CACNA1A: variants seen among roughly 807,000 people sequenced by gnomAD.
CACNA1A encodes the protein voltage-dependent P/Q-type calcium channel subunit alpha-1A.
CACNA1A carries 57 observed loss-of-function variants against 262.4 expected under a neutral mutation model. The ratio of observed to expected loss-of-function variants is 0.22; its 90% CI spans 0.18 to 0.27. The LOEUF is 0.27. Ranked by LOEUF, CACNA1A falls within the 10% of genes least tolerant of loss-of-function variation. The probability of loss-of-function intolerance (pLI) is 1.00; values close to 1 mark genes in which losing one functional copy is unlikely to be tolerated. For synonymous variants in CACNA1A, 1,431 were observed against 1,419.3 expected (o/e 1.01, Z -0.18); for missense variants, 2,526 against 3,562.8 (o/e 0.71, Z 7.41).
chr19:13,490,506 G>A (rs1247289093), intron 1 of CACNA1A, among the ~76,000 whole-genome samples: 1 of 152,100 alleles, frequency 6.6e-6, no homozygotes, highest in Non-Finnish European at 1.5e-5. Flanking sequence ...GGGAGGCCAA[G>A]GCAGGAAAAT....
intron 5 of CACNA1A, chr19:13,365,068 C>T (rs2059183093): frequency 1.5e-5 from 5 of 333,650 alleles, no homozygotes; most frequent in Non-Finnish European, 2.2e-5. Context: ...CCTCATTCCC[C>T]CGATGGTGCT....
Position 13,286,652 on chromosome 19 carries a change from C to T in CACNA1A, c.3404G>A (p.Gly1135Asp). 6.5e-7 allele frequency: 1 copy of T among 1,538,530 alleles called. No homozygotes were observed. The change falls in exon 20 of 47, where the codon GGC becomes GAC. Residue 1135 changes from glycine (G) to aspartate (D), a missense_variant. Around this residue, in one of 17 missense-constraint regions of CACNA1A, gnomAD observed 765 missense variants for 748.6 expected, o/e 1.02. Transcript: ENST00000360228. ...GCTATTCTCGGGGGTCTTGGGGGGG[C>T]CGGGATTGGATGGGTTCCCCGGGTT... ...PNNPGNPSNP[G>D]PPKTPENSLI...
chr19:13,292,577 G>A (rs1045663282), intron 19 of CACNA1A, among the ~76,000 whole-genome samples: 4 of 151,936 alleles, frequency 2.6e-5, no homozygotes, highest in African/African-American at 9.7e-5. Flanking sequence ...TTGTACCACT[G>A]TACTCCGGGG....
At chr19:13,448,415 T>C (rs1352048792) in intron 3 of CACNA1A, among the ~76,000 whole-genome samples, 1 of 152,040 alleles carries the variant, frequency 6.6e-6, no homozygotes, top group Admixed American at 6.6e-5. Flanking sequence ...GCTTAATACG[T>C]GGGTGATGAA....
At chr19:13,466,714 T>C (rs1374437537) in intron 1 of CACNA1A, among the ~76,000 whole-genome samples, 2 of 151,918 alleles carry the variant, frequency 1.3e-5, no homozygotes, top group African/African-American at 4.8e-5. Flanking sequence ...ATCATCATCA[T>C]CATCATCTGA....
At chr19:13,495,112 G>C (rs1438804339) in intron 1 of CACNA1A, among the ~76,000 whole-genome samples, 2 of 151,806 alleles carry the variant, frequency 1.3e-5, no homozygotes, top group African/African-American at 4.8e-5. Context: ...AACAAAACCA[G>C]GTGTTTCCAG....
In CACNA1A at chr19:13,286,899, C is replaced by A; in HGVS notation, c.3157G>T (p.Asp1053Tyr). 6.2e-7 allele frequency: 1 copy of A among 1,613,316 alleles called. No individual in the cohort carries two copies. Among genetic ancestry groups the A allele is most frequent in the Non-Finnish European group, 8.5e-7 (1 of 1,179,810 alleles). Residue 1053 changes from aspartate to tyrosine, a missense_variant, in exon 20 of 47, where the codon GAC (aspartate) becomes TAC (tyrosine). This residue lies in a region of CACNA1A where 765 missense variants were observed against 748.6 expected (regional missense o/e 1.02). Transcript: ENST00000360228. The stretch of plus-strand genomic sequence containing the variant: ...AGGGGTGGGTCTTGGCGGCCCAGGT[C>A]CTGCTGGATTGGCCGGGTGGTTGAC... ...NLSTTRPIQQ[D>Y]LGRQDPPLAE... is the part of the protein sequence containing the mutation.
Position 13,300,530 on chromosome 19 carries a change from C to T in CACNA1A, c.2279+20G>A. ...ACGTTCAGGAGCCAGGGTAGCATCCCAGGGATTAGGGGCACTTACACAGCT... is the reference window on the plus strand; with the variant it reads ...ACGTTCAGGAGCCAGGGTAGCATCCTAGGGATTAGGGGCACTTACACAGCT... On this transcript the variant is annotated intron_variant, in intron 18 of 46. Coordinates refer to ENST00000360228, the MANE Select transcript of CACNA1A (RefSeq NM_001127222.2). 6.4e-7 allele frequency: 1 copy of T among 1,553,302 alleles called. No homozygotes were observed. The highest frequency in any genetic ancestry group is 8.9e-7 in the Non-Finnish European group (1 of 1,124,726).
chr19:13,219,248 G>A (rs2055131974), intron 38 of CACNA1A, among the ~76,000 whole-genome samples: 1 of 149,816 alleles, frequency 6.7e-6, no homozygotes, highest in Non-Finnish European at 1.5e-5. Context: ...CACCATGTTG[G>A]TCAGGCTGGT....
chr19:13,383,278 A>G lies in CACNA1A; in HGVS notation c.540-11499T>C, dbSNP rs750961705. Among the ~76,000 whole-genome samples, 79 of 152,270 alleles carry G rather than the reference A, an allele frequency of 5.2e-4. 1 individual carries two copies. The Middle Eastern group carries it at 0.01, about 20-fold the overall frequency. ...AGCCCCTAGGGCTTCCAATGGAAAG[A>G]CTGAGTGTGGAGCAGGAGAGAGGTA... On this transcript the variant is annotated intron_variant, in intron 3 of 46. Transcript: ENST00000360228.
At chr19:13,436,685 G>A (rs569656618) in intron 3 of CACNA1A, among the ~76,000 whole-genome samples, 1 of 152,284 alleles carries the variant, frequency 6.6e-6, no homozygotes, top group East Asian at 1.9e-4. Flanking sequence ...TTACCCCCCA[G>A]AGGAAGGAGA....
In CACNA1A at chr19:13,210,556, G is replaced by C. The variant is rs576882557; in HGVS notation, c.6339+61C>G. On this transcript the variant is annotated intron_variant, in intron 44 of 46. Coordinates refer to ENST00000360228, the MANE Select transcript of CACNA1A (RefSeq NM_001127222.2). ...GAGAGATGACGGGACTCCCTGGAGG[G>C]GGGGTGGGGAGGAAGAGGGGGCCGG... 2.5e-5 allele frequency: 36 copies of C among 1,451,686 alleles called. 1 individual carries two copies. The highest frequency in any genetic ancestry group is 2.4e-4 in the Middle Eastern group (1 of 4,118). The allele number at this position is 1,451,686 out of a possible 1,614,324, so 89.9% of individuals were successfully genotyped here.
At chr19:13,365,519 A>AAAC (rs768043266) in intron 4 of CACNA1A, 50 bp from the exon 5 acceptor site, 13 of 1,555,828 alleles carry the variant, frequency 8.4e-6, no homozygotes, top group African/African-American at 2.7e-5. Context: ...AAGTACCCCC[A>AAAC]AACCCCGCCA....
chr19:13,345,645 A>C (rs1299508760), intron 6 of CACNA1A, among the ~76,000 whole-genome samples: 3 of 152,158 alleles, frequency 2.0e-5, no homozygotes, highest in Non-Finnish European at 4.4e-5. Flanking sequence ...AAACAAAAGG[A>C]AAAAACCCCA....
chr19:13,499,961 A>C (rs1273685853), intron 1 of CACNA1A, among the ~76,000 whole-genome samples: 1 of 151,998 alleles, frequency 6.6e-6, no homozygotes, highest in South Asian at 2.1e-4. Flanking sequence ...TGGGGGGGAA[A>C]CAGGGAGGGG....
At chr19:13,285,341 T>G (rs1039292607) in intron 20 of CACNA1A, 135 bp from the exon 21 acceptor site, 27 of 847,720 alleles carry the variant, frequency 3.2e-5, no homozygotes, top group Non-Finnish European at 4.8e-5. Flanking sequence ...AGGCATCTTA[T>G]GACATCACTG....
intron 24 of CACNA1A, among the ~76,000 whole-genome samples, chr19:13,266,040 C>G (rs1359379531): frequency 6.6e-6 from 1 of 151,990 alleles, no homozygotes. Flanking sequence ...GACGGGGTTT[C>G]TCCATGTTGG....
Position 13,413,252 on chromosome 19 carries a change from G to A in CACNA1A, c.539+39624C>T, listed in dbSNP as rs933059114. ...CTCCCGAGTAGCTGGGACTACAGGC[G>A]CCCGCCACCATACCTGGCTAATTTT... On this transcript the variant is annotated intron_variant, in intron 3 of 46. Coordinates refer to ENST00000360228, the MANE Select transcript of CACNA1A (RefSeq NM_001127222.2). Among the ~76,000 whole-genome samples, 7 of 151,654 alleles carry A rather than the reference G, an allele frequency of 4.6e-5. No individual in the cohort carries two copies. The East Asian group carries it at 7.8e-4, about 17-fold the overall frequency.
At chr19:13,237,826 G>A (rs931674580) in intron 31 of CACNA1A, among the ~76,000 whole-genome samples, 1 of 152,180 alleles carries the variant, frequency 6.6e-6, no homozygotes, top group Non-Finnish European at 1.5e-5. Flanking sequence ...CGATGGCTCA[G>A]GTATCCCCAG....
Sources: gnomAD v4.1 joint callset for allele counts (sites outside exome capture counted in the v4.1 genomes callset) on GRCh38, gnomAD v4.1.1 for gene constraint, gnomAD v4.1.1 regional missense constraint, MANE v1.5 for transcripts, NCBI Gene and HGNC (gene_info 2026-07-23, HGNC 2026-07-21) for gene names.